PBX1: variants seen among roughly 807,000 people sequenced by gnomAD.
The protein encoded by PBX1 is pre-B-cell leukemia transcription factor 1.
In PBX1, 6 loss-of-function variants were observed where a neutral mutation model predicts 53.4. The ratio of observed to expected loss-of-function variants is 0.11; its 90% confidence interval spans 0.06 to 0.22. The LOEUF (loss-of-function observed/expected upper bound fraction) is 0.22, where lower values mean the gene tolerates loss of function less well. Among genes scored for constraint, PBX1 ranks in the 10% least tolerant of loss-of-function variants. The probability of loss-of-function intolerance (pLI) is 1.00; values close to 1 mark genes in which losing one functional copy is unlikely to be tolerated. For missense variants in PBX1, 251 were observed against 551.4 expected (o/e 0.46, Z 5.46); for synonymous variants, 204 against 212.3 (o/e 0.96, Z 0.34).
chr1:164,792,843 C>G, intron 3 of PBX1, 105 bp downstream of exon 3: 1 of 848,476 alleles, frequency 1.2e-6, no homozygotes, highest in South Asian at 1.8e-5. Flanking sequence ...TTCCCAGGTG[C>G]TGGCATCCCT....
intron 3 of PBX1, among the ~76,000 whole-genome samples, chr1:164,792,939 A>G (rs9651027): frequency 0.016 from 2,405 of 152,284 alleles, 66 homozygotes; most frequent in African/African-American, 0.055. Context: ...AAACCTAGGC[A>G]TTCAATGGAG....
At chr1:164,585,328 T>G (rs956155972) in intron 2 of PBX1, among the ~76,000 whole-genome samples, 1 of 152,226 alleles carries the variant, frequency 6.6e-6, no homozygotes, top group African/African-American at 2.4e-5. Context: ...GGTCATTCCC[T>G]GGGGATACCC....
chr1:164,771,620 G>A (rs1284638294), intron 2 of PBX1: 1 of 151,808 alleles, frequency 6.6e-6, no homozygotes, highest in Admixed American at 6.6e-5. Flanking sequence ...TGCGCTGGAA[G>A]CTGAACTGAA....
At position 164,789,921 on chromosome 1, in the gene PBX1, C is replaced by T. The variant is rs145544461; in HGVS notation, c.266-2573C>T. Among the ~76,000 whole-genome samples the T allele has an allele frequency of 8.6e-4, 130 of 152,016 alleles. No homozygotes were observed. The East Asian group carries it at 0.022, about 26-fold the overall frequency. Reference sequence around the variant, plus strand: ...GCCCCAGCACAATGTTTTGAATAATCGAGCTAAAGTGAAACAACTATATTT... The same window carrying T: ...GCCCCAGCACAATGTTTTGAATAATTGAGCTAAAGTGAAACAACTATATTT... On this transcript the variant is annotated intron_variant, in intron 2 of 8. Transcript: ENST00000420696.
chr1:164,810,203 T>C (rs551846618), intron 5 of PBX1, among the ~76,000 whole-genome samples: 4 of 152,332 alleles, frequency 2.6e-5, no homozygotes, highest in Non-Finnish European at 5.9e-5. Context: ...ACTCTTCCCA[T>C]AAAACCTACT....
intron 2 of PBX1, among the ~76,000 whole-genome samples, chr1:164,756,850 T>G (rs186161359): frequency 9.2e-5 from 14 of 152,350 alleles, no homozygotes; most frequent in Admixed American, 4.6e-4. Flanking sequence ...GCAAAAATTC[T>G]AAACTTCAAA....
chr1:164,754,363 C>T (rs1011776910), intron 2 of PBX1, among the ~76,000 whole-genome samples: 1 of 152,152 alleles, frequency 6.6e-6, no homozygotes, highest in Non-Finnish European at 1.5e-5. Context: ...CAGACTGTGT[C>T]GGGAGAACCT....
chr1:164,849,893 T>A lies in PBX1; in HGVS notation c.*3217T>A, dbSNP rs1571527455. On this transcript the variant is annotated 3_prime_UTR_variant, in exon 9 of 9. Transcript: ENST00000420696. ...AGATGAAACTACAGAAACTCAAATT[T>A]AAAAAAAACTTTAAAAGAAACAAAA... 2 of 228,904 alleles carry A rather than the reference T, an allele frequency of 8.7e-6. No individual in the cohort carries two copies. The highest frequency in any genetic ancestry group is 1.7e-5 in the Non-Finnish European group (2 of 115,432). 14.2% of individuals were successfully genotyped at this position (228,904 alleles called of 1,614,324 possible).
chr1:164,681,208 A>G (rs2101996914), intron 2 of PBX1, among the ~76,000 whole-genome samples: 1 of 152,310 alleles, frequency 6.6e-6, no homozygotes, highest in South Asian at 2.1e-4. Flanking sequence ...TATCTCAAAT[A>G]AATACATTAA....
chr1:164,866,465 A>T (rs141642933), intron 2 of PBX1, among the ~76,000 whole-genome samples: 1 of 152,200 alleles, frequency 6.6e-6, no homozygotes, highest in Non-Finnish European at 1.5e-5. Context: ...CAACAGACAA[A>T]CTGTGACCCA....
chr1:164,725,485 C>T (rs1339637587), intron 2 of PBX1, among the ~76,000 whole-genome samples: 3 of 152,016 alleles, frequency 2.0e-5, no homozygotes, highest in Non-Finnish European at 4.4e-5. Context: ...TCTTGATCTG[C>T]GTGCTTCCCC....
downstream of PBX1, chr1:164,854,297 T>G (rs1571533429): frequency 6.6e-6 from 1 of 152,286 alleles, no homozygotes. Flanking sequence ...CCTTTGTTCC[T>G]TCTCCACTCC....
chr1:164,663,228 GCCTTCCTT>G (rs930150678), intron 2 of PBX1, among the ~76,000 whole-genome samples: 14 of 119,038 alleles, frequency 1.2e-4, no homozygotes, highest in South Asian at 3.2e-4. Context: ...CTGCCTTCCT[GCCTTCCTT>G]CCTTCCTGCC....
At chr1:164,681,459 G>A (rs1661769237) in intron 2 of PBX1, among the ~76,000 whole-genome samples, 1 of 152,106 alleles carries the variant, frequency 6.6e-6, no homozygotes, top group Non-Finnish European at 1.5e-5. Flanking sequence ...ATTGACTTTT[G>A]ATATATTAAG....
intron 2 of PBX1, among the ~76,000 whole-genome samples, chr1:164,623,873 A>G (rs1176741499): frequency 3.9e-5 from 6 of 152,332 alleles, no homozygotes; most frequent in South Asian, 2.1e-4. Flanking sequence ...ACTATATGCA[A>G]TTTGGTAATG....
chr1:164,868,977 A>G (rs143876885), intron 2 of PBX1, among the ~76,000 whole-genome samples: 2 of 152,188 alleles, frequency 1.3e-5, no homozygotes, highest in South Asian at 2.1e-4. Context: ...ACAGGAGAGG[A>G]GGTTTCTCCC....
intron 2 of PBX1, among the ~76,000 whole-genome samples, chr1:164,756,903 AG>A (rs1666556857): frequency 6.6e-6 from 1 of 152,270 alleles, no homozygotes; most frequent in Admixed American, 6.5e-5. Context: ...CTAGATAAGG[AG>A]AAAAAAATGT....
At chr1:164,767,577 G>A (rs999321752) in intron 2 of PBX1, among the ~76,000 whole-genome samples, 3 of 151,342 alleles carry the variant, frequency 2.0e-5, no homozygotes, top group Admixed American at 2.0e-4. Flanking sequence ...AATATCTCTT[G>A]ATAAGTCATC....
At chr1:164,788,481 G>A (rs1045828656) in intron 2 of PBX1, among the ~76,000 whole-genome samples, 13 of 150,994 alleles carry the variant, frequency 8.6e-5, no homozygotes, top group Non-Finnish European at 1.5e-4. Flanking sequence ...TTCTCCTTGC[G>A]CTGGCTACAA....
Sources: gnomAD v4.1 joint callset for allele counts (sites outside exome capture counted in the v4.1 genomes callset) on GRCh38, gnomAD v4.1.1 for gene constraint, MANE v1.5 for transcripts, NCBI Gene and HGNC (gene_info 2026-07-23, HGNC 2026-07-21) for gene names.